Variants in SORT1 observed in about 807,000 individuals in gnomAD.
SORT1 encodes sortilin 1, also known as sortilin.
In SORT1, 39 loss-of-function variants were observed where a neutral mutation model predicts 101.7. That is an observed-to-expected ratio of 0.38 (90% CI 0.30 to 0.50). The LOEUF (loss-of-function observed/expected upper bound fraction) is 0.50. Among genes scored for constraint, SORT1 ranks in the 20% least tolerant of loss-of-function variants. The pLI is 0.90. For synonymous variants in SORT1, 396 were observed against 393.7 expected (o/e 1.01, Z -0.07); for missense variants, 878 against 1,040.4 (o/e 0.84, Z 2.15).
chr1:109,354,568 T>C (rs1650182526), intron 4 of SORT1, 37 bp from the exon 5 acceptor site: 1 of 1,532,776 alleles, frequency 6.5e-7, no homozygotes, highest in African/African-American at 1.4e-5. Context: ...CAGGGTATGA[T>C]ACTATCTATG....
intron 1 of SORT1, among the ~76,000 whole-genome samples, chr1:109,381,124 G>A (rs574356849): frequency 4.6e-5 from 7 of 152,178 alleles, no homozygotes; most frequent in South Asian, 2.1e-4. Context: ...AACTGAGAAC[G>A]TCCGTATCAT....
chr1:109,357,737 A>T (rs926461591), intron 3 of SORT1, among the ~76,000 whole-genome samples: 5 of 152,202 alleles, frequency 3.3e-5, no homozygotes, highest in African/African-American at 4.8e-5. Context: ...CATATGTCTA[A>T]GTTGTCTGAA....
In SORT1 at chr1:109,314,311, C is replaced by T. The variant is rs774111795; in HGVS notation, c.2431G>A (p.Asp811Asn). The T allele has an allele frequency of 1.2e-6, 2 of 1,613,794 alleles. No individual in the cohort carries two copies. The highest frequency in any genetic ancestry group is 1.7e-6 in the Non-Finnish European group (2 of 1,179,908). Reference protein sequence around the residue: ...ANGVDGVDALDTASHTNKSGY... With the variant: ...ANGVDGVDALNTASHTNKSGY... ...CTTTTATTAGTGTGGGAGGCTGTGT[C>T]CAAAGCATCCACACCATCCACACCA... The change falls in exon 19 of 20, where the codon GAC (aspartate) becomes AAC (asparagine). Residue 811 changes from aspartate to asparagine, a missense_variant. Physicochemically the swap from Asp to Asn is conservative, Grantham distance 23 (BLOSUM62 1). This residue lies in a region of SORT1 where 684 missense variants were observed against 894.5 expected (regional missense o/e 0.76). Transcript: ENST00000256637.
At position 109,354,357 on chromosome 1, in the gene SORT1, C is replaced by T. The variant is rs1650164904; in HGVS notation, c.708+10G>A. 2 of 1,607,544 alleles carry T rather than the reference C, an allele frequency of 1.2e-6. No individual in the cohort carries two copies. The highest frequency in any genetic ancestry group is 1.7e-6 in the Non-Finnish European group (2 of 1,175,348). On this transcript the variant is annotated intron_variant, in intron 5 of 19. Transcript: ENST00000256637. ...GCAAAAGGCAAACCATGTTCCTCAA[C>T]TGGACTTACTTCAGTGCTGAGAGCT...
At chr1:109,366,195 A>G (rs1651077207) in intron 3 of SORT1, among the ~76,000 whole-genome samples, 1 of 152,216 alleles carries the variant, frequency 6.6e-6, no homozygotes. Context: ...CATACCTTTG[A>G]GAAGACAACT....
chr1:109,347,750 G>A (rs1012625708), intron 6 of SORT1, among the ~76,000 whole-genome samples: 8 of 152,106 alleles, frequency 5.3e-5, no homozygotes, highest in Non-Finnish European at 7.4e-5. Context: ...ACTTCTTTAC[G>A]TGAACTCTTT....
chr1:109,322,227 C>T (rs537254611), intron 15 of SORT1, among the ~76,000 whole-genome samples: 62 of 152,232 alleles, frequency 4.1e-4, no homozygotes, highest in Non-Finnish European at 7.6e-4. Flanking sequence ...CATGAGCCAC[C>T]GTGCCTGGCC....
intron 7 of SORT1, among the ~76,000 whole-genome samples, chr1:109,347,139 TG>T (rs1250641630): frequency 6.6e-6 from 1 of 152,270 alleles, no homozygotes; most frequent in Non-Finnish European, 1.5e-5. Flanking sequence ...TGTCAGAGTT[TG>T]GGAAGCCAGC....
intron 10 of SORT1, among the ~76,000 whole-genome samples, chr1:109,338,914 G>A (rs1372726805): frequency 6.6e-6 from 1 of 151,040 alleles, no homozygotes; most frequent in Non-Finnish European, 1.5e-5. Context: ...GTCTCACTCT[G>A]TTGCCCAGGC....
intron 3 of SORT1, among the ~76,000 whole-genome samples, chr1:109,360,563 C>T (rs968317394): frequency 6.0e-5 from 9 of 150,920 alleles, no homozygotes; most frequent in Admixed American, 6.0e-4. Flanking sequence ...CTCAAAACTC[C>T]TGGCCCCAAG....
intron 8 of SORT1, among the ~76,000 whole-genome samples, chr1:109,342,862 G>T (rs1187709355): frequency 6.6e-6 from 1 of 152,002 alleles, no homozygotes; most frequent in African/African-American, 2.4e-5. Flanking sequence ...ACTAGATACA[G>T]TTAGCCTGAG....
chr1:109,348,557 C>T (rs1245290504), intron 6 of SORT1, among the ~76,000 whole-genome samples: 1 of 152,174 alleles, frequency 6.6e-6, no homozygotes, highest in East Asian at 1.9e-4. Context: ...GGTGCAATCA[C>T]AGCTCACTGC....
chr1:109,360,587 T>G (rs552290822), intron 3 of SORT1, among the ~76,000 whole-genome samples: 1 of 147,612 alleles, frequency 6.8e-6, no homozygotes, highest in Non-Finnish European at 1.5e-5. Context: ...TCCTTCCACC[T>G]CAGCCTCCCA....
chr1:109,349,661 A>G (rs1030575481), intron 6 of SORT1, among the ~76,000 whole-genome samples: 1 of 152,102 alleles, frequency 6.6e-6, no homozygotes, highest in Admixed American at 6.6e-5. Context: ...AGTCCCAGCT[A>G]CTTGGGAGGC....
chr1:109,343,343 G>A (rs956676934), intron 8 of SORT1, among the ~76,000 whole-genome samples: 1 of 152,058 alleles, frequency 6.6e-6, no homozygotes, highest in African/African-American at 2.4e-5. Flanking sequence ...CAACCTCCAC[G>A]TCGCCAACTC....
intron 2 of SORT1, among the ~76,000 whole-genome samples, chr1:109,368,961 T>C (rs974361369): frequency 1.3e-5 from 2 of 152,212 alleles, no homozygotes; most frequent in Non-Finnish European, 2.9e-5. Flanking sequence ...TTGCTCATCT[T>C]GATGCTAAGC....
At chr1:109,363,138 T>C (rs1243457109) in intron 3 of SORT1, among the ~76,000 whole-genome samples, 1 of 152,224 alleles carries the variant, frequency 6.6e-6, no homozygotes, top group African/African-American at 2.4e-5. Flanking sequence ...CAGCAGTCTT[T>C]GTGATATTAA....
intron 11 of SORT1, 152 bp from the exon 12 acceptor site, chr1:109,327,753 G>C (rs866905404): frequency 4.5e-6 from 2 of 446,622 alleles, no homozygotes; most frequent in African/African-American, 2.0e-5. Flanking sequence ...TAGGTGTATA[G>C]TTCAGTAGTG....
At position 109,347,448 on chromosome 1, in the gene SORT1, C is replaced by T. The variant is rs200687655; in HGVS notation, c.832+35G>A. 4.0e-4 allele frequency: 596 copies of T among 1,471,750 alleles called. 3 individuals carry two copies. Among genetic ancestry groups the T allele is most frequent in the Admixed American group, 2.4e-4 (14 of 59,566 alleles). The allele number at this position is 1,471,750 out of a possible 1,614,324, so 91.2% of individuals were successfully genotyped here. A position where few individuals can be genotyped will look rare whatever the true frequency, so the allele number is the denominator to read the frequency against. ...AGAAAATTCTACCATGAATGGACAACAGGACATTATTTTCTGGGACTAAAA... is the reference window on the plus strand; with the variant it reads ...AGAAAATTCTACCATGAATGGACAATAGGACATTATTTTCTGGGACTAAAA... On this transcript the variant is annotated intron_variant, in intron 7 of 19. Transcript: ENST00000256637.
Sources: gnomAD v4.1 joint callset for allele counts (sites outside exome capture counted in the v4.1 genomes callset) on GRCh38, gnomAD v4.1.1 for gene constraint, gnomAD v4.1.1 regional missense constraint, MANE v1.5 for transcripts, NCBI Gene and HGNC (gene_info 2026-07-23, HGNC 2026-07-21) for gene names.